Variants in CHD7 observed in about 807,000 individuals in gnomAD.
The protein encoded by CHD7 is ATP-dependent chromatin remodeler CHD7.
A neutral mutation model predicts 307.3 loss-of-function variants in CHD7; 24 were observed. That is an observed-to-expected ratio of 0.08 (90% CI 0.06 to 0.11). CHD7 has a LOEUF of 0.11. Among genes scored for constraint, CHD7 ranks in the 10% least tolerant of loss-of-function variants. CHD7 has a pLI of 1.00. For missense variants in CHD7, 3,106 were observed against 3,727.1 expected, an observed-to-expected ratio of 0.83 and a Z score of 4.34; for synonymous variants, 1,363 against 1,349.9, an observed-to-expected ratio of 1.01 and a Z score of -0.21.
chr8:60,866,122 CATT>C lies in CHD7; in HGVS notation c.*193_*195del, dbSNP rs1806235229. Reference sequence around the variant, plus strand: ...CTTGGTCATTAAGTATTGTGCAGTGCATTATTTATTATCCCTAGGAGAGATGAA... The same window carrying C: ...CTTGGTCATTAAGTATTGTGCAGTGCATTTATTATCCCTAGGAGAGATGAA... On this transcript the variant is annotated 3_prime_UTR_variant, in exon 38 of 38. Coordinates refer to ENST00000423902, the MANE Select transcript of CHD7 (RefSeq NM_017780.4). 1 of 561,812 alleles carries C rather than the reference CATT, an allele frequency of 1.8e-6. No homozygotes were observed. Among genetic ancestry groups the C allele is most frequent in the South Asian group, 2.4e-5 (1 of 42,540 alleles). 34.8% of individuals were successfully genotyped at this position (561,812 alleles called of 1,614,324 possible).
At chr8:60,683,126 T>G (rs1247854491) in intron 1 of CHD7, among the ~76,000 whole-genome samples, 1 of 152,240 alleles carries the variant, frequency 6.6e-6, no homozygotes, top group African/African-American at 2.4e-5. Context: ...AATTCAGAAT[T>G]TAGCATTTTT....
intron 1 of CHD7, among the ~76,000 whole-genome samples, chr8:60,699,853 G>C (rs1395949491): frequency 6.8e-6 from 1 of 147,472 alleles, no homozygotes; most frequent in Non-Finnish European, 1.5e-5. Context: ...TTTCTTTTTC[G>C]AGATAGAGTT....
At chr8:60,821,618 A>G (rs1034000136) in intron 9 of CHD7, among the ~76,000 whole-genome samples, 172 bp from the exon 10 acceptor site, 2 of 150,748 alleles carry the variant, frequency 1.3e-5, no homozygotes, top group Non-Finnish European at 3.0e-5. Flanking sequence ...GTATAAACAT[A>G]TATATACATA....
chr8:60,820,066 A>C lies in CHD7; in HGVS notation c.2673A>C (p.Ala891=). 6.2e-7 allele frequency: 1 copy of C among 1,610,302 alleles called. No individual in the cohort carries two copies. Among genetic ancestry groups the C allele is most frequent in the Non-Finnish European group, 8.5e-7 (1 of 1,177,986 alleles). Residue 891 remains alanine, a synonymous_variant, in exon 9 of 38, where the codon GCA becomes GCC. Coordinates refer to ENST00000423902, the MANE Select transcript of CHD7 (RefSeq NM_017780.4). Reference sequence around the variant, plus strand: ...AGGTTGACCGGATAATGGACTTTGCACGTAGCACAGATGACCGGGGAGAGG... The same window carrying C: ...AGGTTGACCGGATAATGGACTTTGCCCGTAGCACAGATGACCGGGGAGAGG... The part of the protein sequence containing the change: ...YVEVDRIMDF[A]RSTDDRGEPV...
intron 8 of CHD7, among the ~76,000 whole-genome samples, chr8:60,819,318 C>T (rs930865457): frequency 3.9e-5 from 6 of 152,110 alleles, no homozygotes; most frequent in African/African-American, 1.4e-4. Flanking sequence ...AGCAGTATTA[C>T]TTTACTTTTG....
chr8:60,742,624 C>A lies in CHD7; in HGVS notation c.1192C>A (p.Pro398Thr). 6.2e-7 allele frequency: 1 copy of A among 1,612,462 alleles called. No individual in the cohort carries two copies. Among genetic ancestry groups the A allele is most frequent in the Non-Finnish European group, 8.5e-7 (1 of 1,178,832 alleles). Residue 398 changes from proline to threonine, a missense_variant, in exon 2 of 38, where the codon CCC (proline) becomes ACC (threonine). By Grantham distance (38) the Pro-to-Thr change is conservative. This residue lies in a region of CHD7 where 998 missense variants were observed against 1,004.5 expected (regional missense o/e 0.99). Transcript: ENST00000423902. ...TTATGCCTCTCCACCTCCCATGTCA[C>A]CCATGAAAGCAATGAGTAATCCAGC... ...GTYASPPPMS[P>T]MKAMSNPAGT...
At chr8:60,841,797 A>T in intron 20 of CHD7, 43 bp downstream of exon 20, 1 of 1,609,110 alleles carries the variant, frequency 6.2e-7, no homozygotes, top group East Asian at 2.2e-5. Flanking sequence ...GATCTAAACC[A>T]AGAGCCACTC....
intron 2 of CHD7, among the ~76,000 whole-genome samples, chr8:60,764,708 C>G (rs1810382699): frequency 6.6e-6 from 1 of 152,138 alleles, no homozygotes; most frequent in African/African-American, 2.4e-5. Flanking sequence ...AAGGTATTCT[C>G]CCCTTTAAAA....
chr8:60,781,085 A>T lies in CHD7; in HGVS notation c.1751A>T (p.Asp584Val), dbSNP rs1811198841. The stretch of plus-strand genomic sequence containing the variant: ...CCGAATGCTCAGCTAGTGAAGAGTG[A>T]TGATTACCTGCCATCAATAGAACAG... The part of the protein sequence containing the change: ...SGPNAQLVKS[D>V]DYLPSIEQQP... Residue 584 changes from aspartate (D) to valine (V), a missense_variant, in exon 3 of 38, where the codon GAT becomes GTT. Around this residue, in one of 10 missense-constraint regions of CHD7, gnomAD observed 998 missense variants for 1,004.5 expected, o/e 0.99. Transcript: ENST00000423902. 9 of 1,611,480 alleles carry T rather than the reference A, an allele frequency of 5.6e-6. No individual in the cohort carries two copies. The highest frequency in any genetic ancestry group is 7.6e-6 in the Non-Finnish European group (9 of 1,178,916).
At chr8:60,847,464 A>G (rs1805263871) in intron 23 of CHD7, among the ~76,000 whole-genome samples, 1 of 152,228 alleles carries the variant, frequency 6.6e-6, no homozygotes, top group Non-Finnish European at 1.5e-5. Flanking sequence ...TCATAGGGTT[A>G]TCGTGAAGAT....
At chr8:60,690,196 TAA>T (rs555574472) in intron 1 of CHD7, among the ~76,000 whole-genome samples, 7 of 145,690 alleles carry the variant, frequency 4.8e-5, no homozygotes, top group African/African-American at 1.3e-4. Flanking sequence ...GCCAGGGGAT[TAA>T]AAAAAAAAAA....
chr8:60,852,545 T>C lies in CHD7; in HGVS notation c.5942T>C (p.Phe1981Ser). Residue 1981 changes from phenylalanine (F) to serine (S), a missense_variant, in exon 30 of 38, where the codon TTT (phenylalanine) becomes TCT (serine). Phe to Ser is a radical substitution (Grantham distance 155, BLOSUM62 -2). Coordinates refer to ENST00000423902, the MANE Select transcript of CHD7 (RefSeq NM_017780.4). ...GATTTTTACCGTGTGGTATCCACCT[T>C]TGGGGTTATTTTTGACCCTGTGAAA... ...EADFYRVVSTFGVIFDPVKQQ... is the reference protein window; with the variant it reads ...EADFYRVVSTSGVIFDPVKQQ... 6.2e-7 allele frequency: 1 copy of C among 1,613,936 alleles called. No individual in the cohort carries two copies. Among genetic ancestry groups the C allele is most frequent in the South Asian group, 1.1e-5 (1 of 91,070 alleles).
chr8:60,831,809 C>G (rs182724841), intron 15 of CHD7, among the ~76,000 whole-genome samples: 35 of 152,186 alleles, frequency 2.3e-4, no homozygotes, highest in Non-Finnish European at 5.9e-5. Context: ...CCTGGTCTGT[C>G]TTTATCACAG....
intron 6 of CHD7, among the ~76,000 whole-genome samples, chr8:60,805,319 T>C (rs1426202826): frequency 6.6e-6 from 1 of 152,176 alleles, no homozygotes; most frequent in African/African-American, 2.4e-5. Flanking sequence ...AACAGCTCTA[T>C]TTATAGTTTT....
chr8:60,707,769 A>G (rs1387906851), intron 1 of CHD7, among the ~76,000 whole-genome samples: 2 of 152,342 alleles, frequency 1.3e-5, no homozygotes, highest in East Asian at 1.9e-4. Flanking sequence ...AAGGGAAACT[A>G]TTTGAGATGA....
chr8:60,785,448 C>T (rs536356706), intron 3 of CHD7, among the ~76,000 whole-genome samples: 7 of 152,162 alleles, frequency 4.6e-5, no homozygotes, highest in South Asian at 2.1e-4. Context: ...ATATATAGTA[C>T]GAGAAACATG....
chr8:60,799,520 A>G (rs1812194118), intron 4 of CHD7, among the ~76,000 whole-genome samples: 3 of 152,228 alleles, frequency 2.0e-5, no homozygotes, highest in Non-Finnish European at 4.4e-5. Context: ...TCATCTCTTC[A>G]GAAATTTTCA....
At chr8:60,719,565 A>G (rs972496128) in intron 1 of CHD7, among the ~76,000 whole-genome samples, 1 of 152,178 alleles carries the variant, frequency 6.6e-6, no homozygotes, top group Non-Finnish European at 1.5e-5. Flanking sequence ...TAATTGGTCA[A>G]ACCTTTGTAC....
At chr8:60,840,182 G>A (rs150850605) in intron 19 of CHD7, among the ~76,000 whole-genome samples, 8 of 152,268 alleles carry the variant, frequency 5.3e-5, no homozygotes, top group African/African-American at 1.9e-4. Context: ...GGGGTCCAAC[G>A]TTCGTTTTGC....
Sources: gnomAD v4.1 joint callset for allele counts (sites outside exome capture counted in the v4.1 genomes callset) on GRCh38, gnomAD v4.1.1 for gene constraint, gnomAD v4.1.1 regional missense constraint, MANE v1.5 for transcripts, NCBI Gene and HGNC (gene_info 2026-07-23, HGNC 2026-07-21) for gene names.